The following CNTN5 variants were observed in gnomAD, a reference collection of about 807,000 sequenced individuals.
The protein encoded by CNTN5 is contactin-5.
CNTN5 carries 77 observed loss-of-function variants against 129.1 expected under a neutral mutation model. The ratio of observed to expected loss-of-function variants is 0.60; its 90% CI spans 0.50 to 0.72. The LOEUF is 0.72. Among genes scored for constraint, CNTN5 ranks in the 30% least tolerant of loss-of-function variants. The pLI is 0.00. For missense variants in CNTN5, 1,478 were observed against 1,328.8 expected (o/e 1.11, Z -1.75); for synonymous variants, 509 against 465.6 (o/e 1.09, Z -1.20).
chr11:99,709,836 G>A (rs1233055572), intron 3 of CNTN5, among the ~76,000 whole-genome samples: 1 of 151,756 alleles, frequency 6.6e-6, no homozygotes, highest in Non-Finnish European at 1.5e-5. Context: ...CCTGAGAAAA[G>A]GAATTAGAGG....
At chr11:99,872,103 C>T (rs1036881604) in intron 6 of CNTN5, among the ~76,000 whole-genome samples, 6 of 151,806 alleles carry the variant, frequency 4.0e-5, no homozygotes, top group Admixed American at 6.6e-5. Flanking sequence ...CTGTCATCTG[C>T]GGGTCACAAT....
intron 8 of CNTN5, among the ~76,000 whole-genome samples, chr11:99,991,317 A>G (rs1565762766): frequency 6.7e-6 from 1 of 148,666 alleles, no homozygotes. Context: ...AGTACAAAAA[A>G]TTAGCCAGGC....
At chr11:99,240,726 A>T (rs73000222) in intron 1 of CNTN5, among the ~76,000 whole-genome samples, 5,333 of 152,296 alleles carry the variant, frequency 0.035, 126 homozygotes, top group Middle Eastern at 0.058. Flanking sequence ...GAAAATTATG[A>T]TATTGATCCT....
intron 6 of CNTN5, among the ~76,000 whole-genome samples, chr11:99,853,289 G>A (rs1048630268): frequency 1.1e-4 from 17 of 151,880 alleles, no homozygotes; most frequent in East Asian, 1.9e-4. Context: ...ATAGATAGAC[G>A]GATAATTGAT....
At chr11:99,101,398 T>C (rs1866729191) in intron 1 of CNTN5, among the ~76,000 whole-genome samples, 1 of 152,188 alleles carries the variant, frequency 6.6e-6, no homozygotes, top group Non-Finnish European at 1.5e-5. Flanking sequence ...AAGTCGTAAC[T>C]CATTTCAGCA....
At chr11:99,569,104 T>G (rs993436392) in intron 3 of CNTN5, among the ~76,000 whole-genome samples, 1 of 152,106 alleles carries the variant, frequency 6.6e-6, no homozygotes, top group Non-Finnish European at 1.5e-5. Flanking sequence ...TAAACATGGT[T>G]TGAAGTGAAA....
intron 7 of CNTN5, among the ~76,000 whole-genome samples, chr11:99,929,059 C>A (rs762699070): frequency 3.0e-4 from 45 of 152,170 alleles, no homozygotes; most frequent in Non-Finnish European, 5.0e-4. Flanking sequence ...TTCCACAGAT[C>A]CCCAGGGTGG....
rs562743976 is a variant in CNTN5, at chr11:99,105,283, G to A, written c.-210+84013G>A. 1.6e-4 allele frequency among the ~76,000 whole-genome samples: 24 copies of A among 151,714 alleles called. No homozygotes were observed. The South Asian group carries it at 5.0e-3, about 32-fold the overall frequency. ...AGTAATCACGCTATAGTAACCAAAA[G>A]CATAAAAAAATTACAGATGACATAA... On this transcript the variant is annotated intron_variant, in intron 1 of 24. Transcript: ENST00000524871.
chr11:99,042,365 CTTTTTTTT>C (rs1210153589), intron 1 of CNTN5, among the ~76,000 whole-genome samples: 1 of 83,798 alleles, frequency 1.2e-5, no homozygotes, highest in South Asian at 4.4e-4. Flanking sequence ...TCTTCTTCTT[CTTTTTTTT>C]TTTTTTTTTT....
At chr11:100,167,487 T>C (rs985227691) in intron 13 of CNTN5, among the ~76,000 whole-genome samples, 2 of 151,934 alleles carry the variant, frequency 1.3e-5, no homozygotes, top group African/African-American at 4.8e-5. Context: ...AGAGATACAA[T>C]GATAAACACA....
In CNTN5 at chr11:100,017,949, A is replaced by G. The variant is rs142913823; in HGVS notation, c.980+15813A>G. On this transcript the variant is annotated intron_variant, in intron 9 of 24. Transcript: ENST00000524871. ...CAAAGACTGAAAGAGATTGTGCATC[A>G]GGTGGTTAGACCATTTGGTTATTGT... Among the ~76,000 whole-genome samples, 40 of 152,156 alleles carry G rather than the reference A, an allele frequency of 2.6e-4. 1 individual carries two copies. The highest frequency in any genetic ancestry group is 3.4e-3 in the Middle Eastern group (1 of 294).
At chr11:100,119,599 G>A (rs992353617) in intron 13 of CNTN5, among the ~76,000 whole-genome samples, 1 of 151,788 alleles carries the variant, frequency 6.6e-6, no homozygotes, top group Admixed American at 6.6e-5. Flanking sequence ...TTCTAAGGCA[G>A]TATCTATTTA....
Sources: gnomAD v4.1 joint callset for allele counts (sites outside exome capture counted in the v4.1 genomes callset) on GRCh38, gnomAD v4.1.1 for gene constraint, MANE v1.5 for transcripts, NCBI Gene and HGNC (gene_info 2026-07-23, HGNC 2026-07-21) for gene names.